Variants in PITPNM3 observed in about 807,000 individuals in gnomAD.
The protein encoded by PITPNM3 is membrane-associated phosphatidylinositol transfer protein 3.
A neutral mutation model predicts 102.0 loss-of-function variants in PITPNM3; 26 were observed. The ratio of observed to expected loss-of-function variants is 0.25; its 90% confidence interval spans 0.19 to 0.35. PITPNM3 has a LOEUF of 0.35. PITPNM3 is among the 10% of genes least tolerant of loss of function. The probability of loss-of-function intolerance (pLI) is 1.00; values close to 1 mark genes in which losing one functional copy is unlikely to be tolerated. For missense variants in PITPNM3, 1,083 were observed against 1,346.1 expected, an observed-to-expected ratio of 0.80 and a Z score of 3.06; for synonymous variants, 578 against 558.6, an observed-to-expected ratio of 1.03 and a Z score of -0.49.
chr17:6,455,512 C>T lies in PITPNM3; in HGVS notation c.2751G>A (p.Leu917=). The T allele has an allele frequency of 2.5e-6, 4 of 1,605,876 alleles. No homozygotes were observed. Among genetic ancestry groups the T allele is most frequent in the Non-Finnish European group, 3.4e-6 (4 of 1,179,592 alleles). The change falls in exon 20 of 20, where the codon CTG becomes CTA. Residue 917 remains leucine, a synonymous_variant. Coordinates refer to ENST00000262483, the MANE Select transcript of PITPNM3 (RefSeq NM_031220.4). ...SFGLHAQPEF[L]RKRNHLRRTM... is the part of the protein sequence containing the mutation. ...TTCTGCGCAGGTGGTTGCGCTTCCG[C>T]AGGAACTCTGGCTGCGCGTGCAGCC...
chr17:6,525,473 G>A lies in PITPNM3; in HGVS notation c.119-10C>T. ...CCTTCAGCCATCTCCTCTGTGGGAA[G>A]AAGCAGCGGTGAGCAGAAGCAGGTG... On this transcript the variant is annotated splice_polypyrimidine_tract_variant and intron_variant, in intron 2 of 19. Coordinates refer to ENST00000262483, the MANE Select transcript of PITPNM3 (RefSeq NM_031220.4). The A allele has an allele frequency of 1.2e-6, 2 of 1,608,970 alleles. No homozygotes were observed. The highest frequency in any genetic ancestry group is 1.7e-5 in the Admixed American group (1 of 60,022).
At chr17:6,460,122 G>C (rs1317370827) in intron 18 of PITPNM3, among the ~76,000 whole-genome samples, 1 of 152,134 alleles carries the variant, frequency 6.6e-6, no homozygotes, top group Non-Finnish European at 1.5e-5. Context: ...AGGTTTTCAA[G>C]ATTTGCCAAG....
At chr17:6,521,461 TACCACAA>T (rs1908512292) in intron 3 of PITPNM3, 1 of 152,154 alleles carries the variant, frequency 6.6e-6, no homozygotes, top group Admixed American at 6.6e-5. Context: ...ATGCATATTT[TACCACAA>T]TAAGAAATGT....
chr17:6,463,044 G>T (rs1267781578), intron 17 of PITPNM3, among the ~76,000 whole-genome samples: 1 of 152,120 alleles, frequency 6.6e-6, no homozygotes, highest in East Asian at 1.9e-4. Context: ...AGCTCTACAA[G>T]GGGGAGGCTG....
intron 1 of PITPNM3, among the ~76,000 whole-genome samples, chr17:6,552,824 C>T (rs576155381): frequency 3.6e-4 from 49 of 137,932 alleles, no homozygotes; most frequent in Middle Eastern, 5.3e-3. Flanking sequence ...TGGAGTGCAA[C>T]GGCACGATCT....
chr17:6,498,369 C>T lies in PITPNM3; in HGVS notation c.274+5158G>A, dbSNP rs191456362. 1.8e-3 allele frequency among the ~76,000 whole-genome samples: 268 copies of T among 152,314 alleles called. 1 individual carries two copies. Among genetic ancestry groups the T allele is most frequent in the African/African-American group, 6.1e-3 (252 of 41,570 alleles). ...TAGCCTGGGGAAACGGGAGAGCTGA[C>T]AGGAAGAGGGGAAAGTGGTCGGGTA... is the stretch of plus-strand genomic sequence containing the variant. On this transcript the variant is annotated intron_variant, in intron 4 of 19. Transcript: ENST00000262483.
chr17:6,462,424 GC>G (rs1049342072), intron 17 of PITPNM3, among the ~76,000 whole-genome samples: 72 of 152,020 alleles, frequency 4.7e-4, no homozygotes, highest in Non-Finnish European at 1.6e-4. Flanking sequence ...CTGCTTTGCT[GC>G]CCCCTGAACA....
chr17:6,499,704 T>TTTTA (rs34042872), intron 4 of PITPNM3, among the ~76,000 whole-genome samples: 83 of 149,366 alleles, frequency 5.6e-4, no homozygotes, highest in East Asian at 2.9e-3. Context: ...CCATCTTTTC[T>TTTTA]TTTATTTATT....
rs748364399 is a variant in PITPNM3 at position 6,537,806 on chromosome 17, A to G, written c.118+181T>C. On this transcript the variant is annotated intron_variant, in intron 2 of 19. Coordinates refer to ENST00000262483, the MANE Select transcript of PITPNM3 (RefSeq NM_031220.4). This position sits in a 1 kb window ranked among gnomAD's most constrained non-coding sequence, Gnocchi z 4.4. ...GAGGGGTTCAGCAAATATTTCAAACAGTGAACAGACGAAGGCTGAGCCCCT... is the reference window on the plus strand; with the variant it reads ...GAGGGGTTCAGCAAATATTTCAAACGGTGAACAGACGAAGGCTGAGCCCCT... Among the ~76,000 whole-genome samples, 72 of 152,222 alleles carry G rather than the reference A, an allele frequency of 4.7e-4. No individual in the cohort carries two copies. The highest frequency in any genetic ancestry group is 5.0e-4 in the Non-Finnish European group (34 of 68,034).
intron 4 of PITPNM3, among the ~76,000 whole-genome samples, chr17:6,500,867 G>T (rs1031774379): frequency 6.6e-6 from 1 of 152,090 alleles, no homozygotes; most frequent in African/African-American, 2.4e-5. Context: ...GTAGAGACAG[G>T]TTTTCACTAT....
chr17:6,519,510 C>G (rs1162023764), intron 3 of PITPNM3, among the ~76,000 whole-genome samples: 2 of 148,578 alleles, frequency 1.3e-5, no homozygotes, highest in Non-Finnish European at 3.0e-5. Context: ...CAGAGTGAGA[C>G]TCCGTCTCAG....
intron 2 of PITPNM3, among the ~76,000 whole-genome samples, 200 bp from the exon 3 acceptor site, chr17:6,525,663 C>T (rs1908791458): frequency 6.6e-6 from 1 of 152,088 alleles, no homozygotes; most frequent in South Asian, 2.1e-4. Context: ...ACTGTTGTAC[C>T]CTACTGGGCC....
intron 4 of PITPNM3, among the ~76,000 whole-genome samples, chr17:6,501,182 G>A (rs1012073818): frequency 2.6e-5 from 4 of 152,184 alleles, no homozygotes; most frequent in African/African-American, 4.8e-5. Context: ...CGGGGCTGCC[G>A]CTGTCTCCTC....
In PITPNM3 at chr17:6,455,369, C is replaced by T. The variant is rs774820110; in HGVS notation, c.2894G>A (p.Arg965His). The T allele has an allele frequency of 6.9e-6, 11 of 1,585,610 alleles. No individual in the cohort carries two copies. In the African/African-American group the frequency reaches 1.1e-4, roughly 16 times the overall value. ...ERPLPALSWARGPPKFESVP is the reference protein window; with the variant it reads ...ERPLPALSWAHGPPKFESVP Reference sequence around the variant, plus strand: ...CACCGACTCGAACTTGGGGGGCCCACGCGCCCAGCTGAGCGCCGGCAGCGG... The same window carrying T: ...CACCGACTCGAACTTGGGGGGCCCATGCGCCCAGCTGAGCGCCGGCAGCGG... Residue 965 changes from arginine (R) to histidine (H), a missense_variant, in exon 20 of 20, where the codon CGT (arginine) becomes CAT (histidine). Arg to His is a conservative substitution (Grantham distance 29). Transcript: ENST00000262483.
chr17:6,482,879 G>T (rs952451856), intron 6 of PITPNM3, among the ~76,000 whole-genome samples: 1 of 151,888 alleles, frequency 6.6e-6, no homozygotes, highest in African/African-American at 2.4e-5. Context: ...TCGTGTGGCC[G>T]AGTTTGACTC....
chr17:6,512,586 A>G (rs1266725566), intron 3 of PITPNM3, among the ~76,000 whole-genome samples: 2 of 152,176 alleles, frequency 1.3e-5, no homozygotes, highest in Non-Finnish European at 2.9e-5. Context: ...TGTGACCCCC[A>G]AAGTCACATT....
chr17:6,548,770 A>C (rs1910161510), intron 1 of PITPNM3, among the ~76,000 whole-genome samples: 1 of 152,100 alleles, frequency 6.6e-6, no homozygotes. Flanking sequence ...CGTGCTCTGC[A>C]AATACCCAGA....
rs1489630048 is a variant in PITPNM3, at chr17:6,452,542, GAAC to G, written c.*2793_*2795del. 6.6e-6 allele frequency: 1 copy of G among 152,218 alleles called. No homozygotes were observed. Among genetic ancestry groups the G allele is most frequent in the African/African-American group, 2.4e-5 (1 of 41,454 alleles). The allele number at this position is 152,218 out of a possible 1,614,324, so 9.4% of individuals were successfully genotyped here. On this transcript the variant is annotated 3_prime_UTR_variant, in exon 20 of 20. Transcript: ENST00000262483. The stretch of plus-strand genomic sequence containing the variant: ...GAGAGGCAGCAGCACCCCCTCCAGA[GAAC>G]AACACAACTTGGTTCTTTCTCCAAC...
At chr17:6,553,988 T>C (rs1323117791) in intron 1 of PITPNM3, among the ~76,000 whole-genome samples, 3 of 152,024 alleles carry the variant, frequency 2.0e-5, no homozygotes, top group Non-Finnish European at 2.9e-5. Context: ...CACATTACTG[T>C]GTGTTGTTTT....
Sources: allele counts gnomAD v4.1 joint callset (sites outside exome capture counted in the v4.1 genomes callset), GRCh38; gene constraint gnomAD v4.1.1; non-coding constraint Gnocchi (gnomAD v3.1); transcripts MANE v1.5; gene names NCBI Gene and HGNC (gene_info 2026-07-23, HGNC 2026-07-21).